Variants in SLC24A3 observed in about 807,000 individuals in gnomAD.
SLC24A3 encodes the protein solute carrier family 24 member 3.
A neutral mutation model predicts 75.8 loss-of-function variants in SLC24A3; 28 were observed. That is an observed-to-expected ratio of 0.37 (90% CI 0.27 to 0.51). The LOEUF (loss-of-function observed/expected upper bound fraction) is 0.51, where lower values mean the gene tolerates loss of function less well. Among genes scored for constraint, SLC24A3 ranks in the 20% least tolerant of loss-of-function variants. The pLI, the probability that SLC24A3 is intolerant of heterozygous loss-of-function variation, is 0.94. For missense variants in SLC24A3, 663 were observed against 847.8 expected, an observed-to-expected ratio of 0.78 and a Z score of 2.71; for synonymous variants, 372 against 334.1, an observed-to-expected ratio of 1.11 and a Z score of -1.24.
intron 11 of SLC24A3, among the ~76,000 whole-genome samples, chr20:19,684,567 G>C (rs956611689): frequency 7.2e-5 from 11 of 152,084 alleles, no homozygotes; most frequent in African/African-American, 2.4e-4. Flanking sequence ...AAACTCCCCT[G>C]TTCCTTCTCC....
At chr20:19,300,683 T>C (rs1984173902) in intron 2 of SLC24A3, among the ~76,000 whole-genome samples, 1 of 152,172 alleles carries the variant, frequency 6.6e-6, no homozygotes, top group African/African-American at 2.4e-5. Context: ...TTCGGTGCGA[T>C]GACTGACTGG....
chr20:19,403,788 A>G (rs1358796381), intron 2 of SLC24A3, among the ~76,000 whole-genome samples: 2 of 152,234 alleles, frequency 1.3e-5, no homozygotes, highest in Non-Finnish European at 2.9e-5. Flanking sequence ...TTCAGGAATC[A>G]TAAGAATGCA....
chr20:19,260,820 C>T (rs142247040), intron 1 of SLC24A3, among the ~76,000 whole-genome samples: 195 of 152,294 alleles, frequency 1.3e-3, no homozygotes, highest in African/African-American at 4.5e-3. Context: ...GCTCTGCCTT[C>T]CCAAGTTAGG....
At chr20:19,684,796 C>T (rs2032654835) in intron 11 of SLC24A3, among the ~76,000 whole-genome samples, 3 of 152,174 alleles carry the variant, frequency 2.0e-5, no homozygotes, top group Non-Finnish European at 4.4e-5. Context: ...CCAGGAACTC[C>T]TGCAGTCTGG....
At chr20:19,267,499 T>C (rs1327403878) in intron 1 of SLC24A3, among the ~76,000 whole-genome samples, 1 of 152,230 alleles carries the variant, frequency 6.6e-6, no homozygotes, top group East Asian at 1.9e-4. Flanking sequence ...TTCTAATAAA[T>C]TGATTTATAA....
chr20:19,600,168 C>G (rs1180196186), intron 6 of SLC24A3, among the ~76,000 whole-genome samples: 1 of 152,080 alleles, frequency 6.6e-6, no homozygotes, highest in Non-Finnish European at 1.5e-5. Flanking sequence ...GGTTGATCTC[C>G]CAGCGCTCCC....
intron 16 of SLC24A3, 84 bp downstream of exon 16, chr20:19,717,677 C>T: frequency 1.3e-6 from 2 of 1,488,552 alleles, no homozygotes; most frequent in Non-Finnish European, 1.9e-6. Context: ...TGAGCTTGGT[C>T]TCCTGGTGAC....
intron 2 of SLC24A3, among the ~76,000 whole-genome samples, chr20:19,383,224 C>T (rs779111693): frequency 7.2e-5 from 11 of 152,158 alleles, no homozygotes; most frequent in Non-Finnish European, 1.5e-4. Context: ...TAGATATTAT[C>T]ACTTAAGACA....
At chr20:19,481,707 C>T (rs1988057324) in intron 2 of SLC24A3, among the ~76,000 whole-genome samples, 1 of 152,076 alleles carries the variant, frequency 6.6e-6, no homozygotes, top group African/African-American at 2.4e-5. Flanking sequence ...CTGGAGAAGT[C>T]ATGAAAGCCA....
chr20:19,331,316 TC>T (rs1422480584), intron 2 of SLC24A3, among the ~76,000 whole-genome samples: 4 of 152,156 alleles, frequency 2.6e-5, no homozygotes, highest in African/African-American at 9.7e-5. Flanking sequence ...TGCTACCTAC[TC>T]TAGAACAGTT....
intron 2 of SLC24A3, among the ~76,000 whole-genome samples, chr20:19,352,225 A>G (rs1208881410): frequency 2.0e-5 from 3 of 152,168 alleles, no homozygotes; most frequent in African/African-American, 7.2e-5. Flanking sequence ...GTGGTCGGTC[A>G]TTGAAAGCCC....
At chr20:19,591,514 A>T (rs1162206151) in intron 6 of SLC24A3, among the ~76,000 whole-genome samples, 1 of 151,932 alleles carries the variant, frequency 6.6e-6, no homozygotes, top group Admixed American at 6.5e-5. Context: ...TTAATGGCAG[A>T]AAATAGCTGT....
chr20:19,261,036 C>T (rs4814837), intron 1 of SLC24A3, among the ~76,000 whole-genome samples: 47,895 of 152,116 alleles, frequency 0.31, 7,751 homozygotes, highest in Middle Eastern at 0.45. Flanking sequence ...AAGCCCCAGC[C>T]CCTCCTCATG....
intron 2 of SLC24A3, among the ~76,000 whole-genome samples, chr20:19,358,277 G>T (rs1985725993): frequency 6.6e-6 from 1 of 152,190 alleles, no homozygotes; most frequent in South Asian, 2.1e-4. Flanking sequence ...GCTGCGGAGG[G>T]CAGGCCCCCG....
At chr20:19,448,395 G>A (rs1394473686) in intron 2 of SLC24A3, among the ~76,000 whole-genome samples, 4 of 152,150 alleles carry the variant, frequency 2.6e-5, no homozygotes, top group Admixed American at 6.5e-5. Context: ...ATTTTTCAAT[G>A]TGCAAACACA....
chr20:19,646,841 C>CTGTGTGTGTGTGTGTGTGTGTG lies in SLC24A3; in HGVS notation c.613-7211_613-7210insTGTGTGTGTGTGTGTGTGTGTG, dbSNP rs74180956. ...GTTGTACTTTAAAAATTACAAAACT[C>CTGTGTGTGTGTGTGTGTGTGTG]TGTGTGTGTGCGTGTGTGTGTGTGT... is the stretch of plus-strand genomic sequence containing the variant. On this transcript the variant is annotated intron_variant, in intron 6 of 16. Transcript: ENST00000328041. Among the ~76,000 whole-genome samples, 188 of 144,684 alleles carry CTGTGTGTGTGTGTGTGTGTGTG rather than the reference C, an allele frequency of 1.3e-3. 2 individuals carry two copies. The highest frequency in any genetic ancestry group is 4.3e-3 in the African/African-American group (171 of 39,396). The allele number at this position is 144,684 out of a possible 152,430, so 94.9% of individuals were successfully genotyped here. A position where few individuals can be genotyped will look rare whatever the true frequency, so the allele number is the denominator to read the frequency against.
At chr20:19,598,020 G>T (rs1269013461) in intron 6 of SLC24A3, among the ~76,000 whole-genome samples, 2 of 152,200 alleles carry the variant, frequency 1.3e-5, no homozygotes, top group African/African-American at 4.8e-5. Flanking sequence ...GAACAGAGCT[G>T]CAACAAACGA....
intron 3 of SLC24A3, among the ~76,000 whole-genome samples, chr20:19,534,186 T>G (rs1371192113): frequency 6.6e-6 from 1 of 152,276 alleles, no homozygotes; most frequent in Non-Finnish European, 1.5e-5. Context: ...ATGTTGGCAG[T>G]TACTGCCGTG....
intron 9 of SLC24A3, among the ~76,000 whole-genome samples, chr20:19,677,283 G>C (rs1340196195): frequency 7.3e-6 from 1 of 136,780 alleles, no homozygotes; most frequent in Non-Finnish European, 1.5e-5. Context: ...AACATAGCAA[G>C]ACCCCGTTCC....
Sources: gnomAD v4.1 joint callset for allele counts (sites outside exome capture counted in the v4.1 genomes callset) on GRCh38, gnomAD v4.1.1 for gene constraint, MANE v1.5 for transcripts, NCBI Gene and HGNC (gene_info 2026-07-23, HGNC 2026-07-21) for gene names.